The following RAMP1 variants were observed in gnomAD, a reference collection of about 807,000 sequenced individuals.
RAMP1 encodes the protein receptor activity-modifying protein 1.
RAMP1 carries 7 observed loss-of-function variants against 8.2 expected under a neutral mutation model. The observed-to-expected ratio is 0.85, with a 90% CI of 0.49 to 1.60. The LOEUF (loss-of-function observed/expected upper bound fraction) is 1.60, where lower values mean the gene tolerates loss of function less well. Among genes scored for constraint, RAMP1 ranks in the 40% most tolerant of loss-of-function variants. RAMP1 has a pLI of 0.00. For synonymous variants in RAMP1, 92 were observed against 84.7 expected, an observed-to-expected ratio of 1.09 and a Z score of -0.47; for missense variants, 192 against 202.4, an observed-to-expected ratio of 0.95 and a Z score of 0.31.
intron 1 of RAMP1, among the ~76,000 whole-genome samples, chr2:237,866,623 C>G (rs1415205531): frequency 2.0e-5 from 3 of 152,122 alleles, no homozygotes; most frequent in Non-Finnish European, 4.4e-5. Flanking sequence ...CTCTTGACTC[C>G]CCCAAAGCTT....
chr2:237,859,665 C>T lies in RAMP1; in HGVS notation c.-11C>T, dbSNP rs751563653. The T allele has an allele frequency of 4.7e-6, 7 of 1,479,480 alleles. No individual in the cohort carries two copies. The highest frequency in any genetic ancestry group is 5.4e-6 in the Non-Finnish European group (6 of 1,115,020). 91.6% of individuals were successfully genotyped at this position (1,479,480 alleles called of 1,614,324 possible). ...GTGGCGAGCGGACTCGACTCGGCAC[C>T]GCTGTGCACCATGGCCCGGGCCCTG... On this transcript the variant is annotated 5_prime_UTR_variant, in exon 1 of 3. Coordinates refer to ENST00000254661, the MANE Select transcript of RAMP1 (RefSeq NM_005855.4).
chr2:237,871,812 G>A (rs1468086733), intron 1 of RAMP1, among the ~76,000 whole-genome samples: 3 of 152,174 alleles, frequency 2.0e-5, no homozygotes, highest in Non-Finnish European at 1.5e-5. Flanking sequence ...AGCGAGCCAA[G>A]AGAGCGCCAG....
In RAMP1 at chr2:237,911,629, G is replaced by GC; in HGVS notation, c.295dup (p.Arg99ProfsTer47). 1 of 1,614,142 alleles carries GC rather than the reference G, an allele frequency of 6.2e-7. No homozygotes were observed. Among genetic ancestry groups the GC allele is most frequent in the South Asian group, 1.1e-5 (1 of 91,090 alleles). Reference sequence around the variant, plus strand: ...GACAGGTTCTTCCTGGCAGTGCATGGCCGCTACTTCAGGAGCTGCCCCATC... The same window carrying GC: ...GACAGGTTCTTCCTGGCAGTGCATGGCCCGCTACTTCAGGAGCTGCCCCATC... On this transcript the variant is annotated frameshift_variant, in exon 3 of 3. Transcript: ENST00000254661. LOFTEE classifies it low-confidence loss of function (END_TRUNC).
At chr2:237,895,235 G>A (rs1384080868) in intron 2 of RAMP1, among the ~76,000 whole-genome samples, 1 of 152,098 alleles carries the variant, frequency 6.6e-6, no homozygotes, top group Non-Finnish European at 1.5e-5. Context: ...CAAAGGCAGG[G>A]CAGCGCGAGT....
chr2:237,871,661 T>C (rs945933774), intron 1 of RAMP1, among the ~76,000 whole-genome samples: 1 of 152,194 alleles, frequency 6.6e-6, no homozygotes, highest in Non-Finnish European at 1.5e-5. Context: ...CCCAACTCTC[T>C]TGGTCCTGCC....
rs1047596825 is a variant in RAMP1, at chr2:237,902,957, G to A, written c.192-8571G>A. Among the ~76,000 whole-genome samples the A allele has an allele frequency of 2.6e-5, 4 of 152,172 alleles. No individual in the cohort carries two copies. In the East Asian group the frequency reaches 7.7e-4, roughly 29 times the overall value. On this transcript the variant is annotated intron_variant, in intron 2 of 2. Coordinates refer to ENST00000254661, the MANE Select transcript of RAMP1 (RefSeq NM_005855.4). ...TTCTGCTGTGTCCCCCTCCCATGTG[G>A]ACCATTTTACCCCAATCCAGGCTGT...
chr2:237,909,685 T>C (rs2062690416), intron 2 of RAMP1, among the ~76,000 whole-genome samples: 1 of 152,152 alleles, frequency 6.6e-6, no homozygotes. Flanking sequence ...CGTCCTGGGT[T>C]GGAAGATGAC....
At position 237,877,683 on chromosome 2, in the gene RAMP1, C is replaced by A. The variant is rs1418268343; in HGVS notation, c.191+321C>A. Among the ~76,000 whole-genome samples, 1 of 152,168 alleles carries A rather than the reference C, an allele frequency of 6.6e-6. No individual in the cohort carries two copies. The highest frequency in any genetic ancestry group is 1.5e-5 in the Non-Finnish European group (1 of 68,014). ...GAATGACTGAGAGTAGGGTCTCATG[C>A]CCAGGGTGGCCGGGTCTCTGACTGG... is the stretch of plus-strand genomic sequence containing the variant. On this transcript the variant is annotated intron_variant, in intron 2 of 2. Transcript: ENST00000254661. This position sits in a 1 kb window ranked among gnomAD's most constrained non-coding sequence, Gnocchi z 4.4.
At chr2:237,880,082 T>A (rs2062351976) in intron 2 of RAMP1, among the ~76,000 whole-genome samples, 1 of 151,696 alleles carries the variant, frequency 6.6e-6, no homozygotes, top group Non-Finnish European at 1.5e-5. Context: ...AGCCCAGGCC[T>A]GCCAGCCCCT....
intron 1 of RAMP1, among the ~76,000 whole-genome samples, chr2:237,866,259 C>T (rs1472640631): frequency 6.6e-6 from 1 of 151,958 alleles, no homozygotes; most frequent in African/African-American, 2.4e-5. Flanking sequence ...GGATATTTTC[C>T]CCCATTTTAT....
At chr2:237,908,112 T>A (rs545520695) in intron 2 of RAMP1, among the ~76,000 whole-genome samples, 1 of 152,252 alleles carries the variant, frequency 6.6e-6, no homozygotes, top group Non-Finnish European at 1.5e-5. Context: ...ACTAGGGCAC[T>A]GGAGGAGATT....
chr2:237,861,034 T>A (rs182639056), intron 1 of RAMP1, among the ~76,000 whole-genome samples: 1 of 152,218 alleles, frequency 6.6e-6, no homozygotes, highest in Non-Finnish European at 1.5e-5. Context: ...CTTCACTGTT[T>A]TCATTTACTA....
intron 1 of RAMP1, among the ~76,000 whole-genome samples, chr2:237,872,236 C>T (rs969987866): frequency 1.9e-4 from 29 of 152,190 alleles, no homozygotes; most frequent in African/African-American, 6.8e-4. Flanking sequence ...AGCCTATTCT[C>T]GGCCTGCCCT....
At position 237,868,594 on chromosome 2, in the gene RAMP1, A is replaced by C. The variant is rs530665342; in HGVS notation, c.53-8630A>C. Among the ~76,000 whole-genome samples the C allele has an allele frequency of 6.4e-3, 953 of 149,578 alleles. 9 individuals are homozygous for C. The highest frequency in any genetic ancestry group is 0.025 in the South Asian group (115 of 4,528). ...CCCCCCACCAAAAAAAAAAAACAAAAAAAAAAAAACAGTTCCTGAGTTTAC... is the reference window on the plus strand; with the variant it reads ...CCCCCCACCAAAAAAAAAAAACAAACAAAAAAAAACAGTTCCTGAGTTTAC... On this transcript the variant is annotated intron_variant, in intron 1 of 2. Transcript: ENST00000254661.
At position 237,859,682 on chromosome 2, in the gene RAMP1, CGG is replaced by C; in HGVS notation, c.9_10del (p.Ala4ProfsTer27). ...CTCGGCACCGCTGTGCACCATGGCCCGGGCCCTGTGCCGCCTCCCGCGGCGCG... is the reference window on the plus strand; with the variant it reads ...CTCGGCACCGCTGTGCACCATGGCCCGCCCTGTGCCGCCTCCCGCGGCGCG... The part of the protein sequence containing the change: MA[R>X]ALCRLPRRGL... On this transcript the variant is annotated frameshift_variant, in exon 1 of 3. Transcript: ENST00000254661. LOFTEE classifies it high-confidence loss of function. 1 of 1,509,472 alleles carries C rather than the reference CGG, an allele frequency of 6.6e-7. No individual in the cohort carries two copies. Among genetic ancestry groups the C allele is most frequent in the Non-Finnish European group, 8.8e-7 (1 of 1,130,026 alleles). The allele number at this position is 1,509,472 out of a possible 1,614,324, so 93.5% of individuals were successfully genotyped here.
At chr2:237,894,864 C>T (rs903420268) in intron 2 of RAMP1, among the ~76,000 whole-genome samples, 1 of 152,196 alleles carries the variant, frequency 6.6e-6, no homozygotes, top group Non-Finnish European at 1.5e-5. Flanking sequence ...GGAGGTGAGA[C>T]AAAGCGTTGC....
rs1559934728 is a variant in RAMP1, at chr2:237,865,823, C to T, written c.52+6096C>T. ...CAGAGAAGGAAACGGGCCCCAGGCA[C>T]CACTGGGCACCTTGACATGATTGGT... On this transcript the variant is annotated intron_variant, in intron 1 of 2. Coordinates refer to ENST00000254661, the MANE Select transcript of RAMP1 (RefSeq NM_005855.4). This position sits in a 1 kb window ranked among gnomAD's most constrained non-coding sequence, Gnocchi z 4.2. 6.6e-6 allele frequency among the ~76,000 whole-genome samples: 1 copy of T among 152,050 alleles called. No homozygotes were observed. The highest frequency in any genetic ancestry group is 1.5e-5 in the Non-Finnish European group (1 of 68,026).
intron 2 of RAMP1, among the ~76,000 whole-genome samples, chr2:237,893,044 A>G (rs2062501724): frequency 6.6e-6 from 1 of 152,202 alleles, no homozygotes; most frequent in Admixed American, 6.5e-5. Context: ...GATTATTTCA[A>G]GTAGGTCCTA....
intron 1 of RAMP1, among the ~76,000 whole-genome samples, chr2:237,867,329 A>G (rs536721726): frequency 6.6e-6 from 1 of 152,248 alleles, no homozygotes; most frequent in South Asian, 2.1e-4. Context: ...GAGGAGCAAG[A>G]GGAGGGGTTG....
Sources: allele counts gnomAD v4.1 joint callset (sites outside exome capture counted in the v4.1 genomes callset), GRCh38; gene constraint gnomAD v4.1.1; non-coding constraint Gnocchi (gnomAD v3.1); transcripts MANE v1.5; gene names NCBI Gene and HGNC (gene_info 2026-07-23, HGNC 2026-07-21).